SEC24A: variants seen among roughly 807,000 people sequenced by gnomAD.
SEC24A encodes SEC24 homolog A, COPII component.
In SEC24A, 93 loss-of-function variants were observed where a neutral mutation model predicts 129.4. That is an observed-to-expected ratio of 0.72 (90% CI 0.61 to 0.85). SEC24A has a LOEUF of 0.85. Ranked by LOEUF, SEC24A falls within the 40% of genes least tolerant of loss-of-function variation. SEC24A has a pLI of 0.00. For synonymous variants in SEC24A, 460 were observed against 467.3 expected (o/e 0.98, Z 0.20); for missense variants, 1,264 against 1,307.4 (o/e 0.97, Z 0.51).
intron 11 of SEC24A, among the ~76,000 whole-genome samples, chr5:134,691,315 G>A (rs996698148): frequency 2.0e-5 from 3 of 151,214 alleles, no homozygotes; most frequent in Non-Finnish European, 4.4e-5. Context: ...GGGCTTACAG[G>A]TGCCCACCAC....
Position 134,688,361 on chromosome 5 carries a change from G to A in SEC24A, c.1723+62G>A. 3.1e-6 allele frequency: 3 copies of A among 978,558 alleles called. No individual in the cohort carries two copies. In the Admixed American group the frequency reaches 5.6e-5, roughly 18 times the overall value. 60.6% of individuals were successfully genotyped at this position (978,558 alleles called of 1,614,324 possible). On this transcript the variant is annotated intron_variant, in intron 11 of 22. Transcript: ENST00000398844. Reference sequence around the variant, plus strand: ...TTTTAGAAATATTTCTTGATTACTTGACAAATTGGATGTGTGTTGTTTGTA... The same window carrying A: ...TTTTAGAAATATTTCTTGATTACTTAACAAATTGGATGTGTGTTGTTTGTA...
chr5:134,692,917 G>C (rs1047585810), intron 12 of SEC24A: 49 of 860,702 alleles, frequency 5.7e-5, no homozygotes, highest in Non-Finnish European at 1.5e-5. Flanking sequence ...AAGGAAATCT[G>C]TCTTGTCAGC....
In SEC24A at chr5:134,726,835, A is replaced by G. The variant is rs939074777; in HGVS notation, c.*1741A>G. 2 of 152,292 alleles carry G rather than the reference A, an allele frequency of 1.3e-5. No homozygotes were observed. Among genetic ancestry groups the G allele is most frequent in the South Asian group, 2.1e-4 (1 of 4,828 alleles). 9.4% of individuals were successfully genotyped at this position (152,292 alleles called of 1,614,324 possible). A position where few individuals can be genotyped will look rare whatever the true frequency, so the allele number is the denominator to read the frequency against. ...TTTGTAGGTCCTTTCTTAGTAGTAA[A>G]GAATCTTCTAGAGGGAAACATTTGT... On this transcript the variant is annotated 3_prime_UTR_variant, in exon 23 of 23. Transcript: ENST00000398844.
At chr5:134,715,957 T>C (rs780959343) in intron 19 of SEC24A, among the ~76,000 whole-genome samples, 5 of 151,890 alleles carry the variant, frequency 3.3e-5, no homozygotes, top group African/African-American at 4.8e-5. Flanking sequence ...CAAGTGCACG[T>C]CTAGATCTGA....
Position 134,650,721 on chromosome 5 carries a change from A to C in SEC24A, c.97+1548A>C, listed in dbSNP as rs375668858. On this transcript the variant is annotated intron_variant, in intron 1 of 22. Coordinates refer to ENST00000398844, the MANE Select transcript of SEC24A (RefSeq NM_021982.3). ...ACCCAGACCTCTTTTTTAAAATATAATTTTCATAGTCTTTTTATAAGTTCC... is the reference window on the plus strand; with the variant it reads ...ACCCAGACCTCTTTTTTAAAATATACTTTTCATAGTCTTTTTATAAGTTCC... Among the ~76,000 whole-genome samples the C allele has an allele frequency of 3.3e-4, 50 of 151,070 alleles. 1 individual carries two copies. The East Asian group carries it at 9.6e-3, about 29-fold the overall frequency.
At chr5:134,682,019 A>G (rs765153585) in intron 8 of SEC24A, among the ~76,000 whole-genome samples, 42 of 152,186 alleles carry the variant, frequency 2.8e-4, no homozygotes, top group Non-Finnish European at 4.4e-4. Flanking sequence ...AGGCGGGCGG[A>G]TCACCTGAGG....
chr5:134,673,656 A>G (rs1308725367), intron 4 of SEC24A, among the ~76,000 whole-genome samples: 2 of 150,760 alleles, frequency 1.3e-5, no homozygotes, highest in East Asian at 4.0e-4. Flanking sequence ...ATGGGATTTC[A>G]CTGTGTTGGC....
chr5:134,705,088 A>ATTTT (rs1252732652), intron 16 of SEC24A, among the ~76,000 whole-genome samples: 2 of 129,302 alleles, frequency 1.5e-5, no homozygotes, highest in South Asian at 2.5e-4. Context: ...ATATATATAT[A>ATTTT]TATTTTTTTT....
chr5:134,678,046 G>A (rs915746127), intron 7 of SEC24A, among the ~76,000 whole-genome samples: 4 of 151,876 alleles, frequency 2.6e-5, no homozygotes, highest in Admixed American at 1.3e-4. Context: ...ATTAGAGACC[G>A]GGTCTCTCGT....
Position 134,698,027 on chromosome 5 carries a change from G to C in SEC24A, c.2236G>C (p.Glu746Gln). Residue 746 changes from glutamate (E) to glutamine (Q), a missense_variant, in exon 15 of 23, where the codon GAG (glutamate) becomes CAG (glutamine). Glu to Gln is a conservative substitution (Grantham distance 29). Coordinates refer to ENST00000398844, the MANE Select transcript of SEC24A (RefSeq NM_021982.3). ...ATACCTTACTCGGAAGATTGGCTTT[G>C]AGGCAGTCATGAGGATTCGGTGCAC... ...QRYLTRKIGF[E>Q]AVMRIRCTKG... The C allele has an allele frequency of 1.9e-6, 3 of 1,613,610 alleles. No individual in the cohort carries two copies. Among genetic ancestry groups the C allele is most frequent in the Non-Finnish European group, 8.5e-7 (1 of 1,179,884 alleles).
chr5:134,696,237 A>G (rs1751819940), intron 13 of SEC24A, among the ~76,000 whole-genome samples: 1 of 151,676 alleles, frequency 6.6e-6, no homozygotes, highest in African/African-American at 2.4e-5. Context: ...GCCATTGCAC[A>G]CCAGCCTGGG....
intron 13 of SEC24A, among the ~76,000 whole-genome samples, chr5:134,695,241 G>A (rs1751784080): frequency 6.6e-6 from 1 of 151,964 alleles, no homozygotes; most frequent in Admixed American, 6.6e-5. Context: ...GTGTGATGCT[G>A]AGAGCCTATA....
In SEC24A at chr5:134,680,198, A is replaced by G. The variant is rs368248930; in HGVS notation, c.1381+470A>G. On this transcript the variant is annotated intron_variant, in intron 8 of 22. Coordinates refer to ENST00000398844, the MANE Select transcript of SEC24A (RefSeq NM_021982.3). ...GAGGAGGAGGAGATTTCTCTCAATA[A>G]CTATGTCACAGTTTTTATTTGAGGA... Among the ~76,000 whole-genome samples, 4 of 152,230 alleles carry G rather than the reference A, an allele frequency of 2.6e-5. No homozygotes were observed. In the East Asian group the frequency reaches 5.8e-4, roughly 22 times the overall value.
chr5:134,667,679 A>C (rs1750714193), intron 3 of SEC24A, among the ~76,000 whole-genome samples: 1 of 151,670 alleles, frequency 6.6e-6, no homozygotes, highest in South Asian at 2.1e-4. Context: ...CAAAAAAAAA[A>C]AAACAAGATA....
intron 20 of SEC24A, among the ~76,000 whole-genome samples, chr5:134,719,346 C>T (rs909770444): frequency 6.8e-6 from 1 of 147,778 alleles, no homozygotes; most frequent in Non-Finnish European, 1.5e-5. Context: ...CACACCACTG[C>T]ACTCCAGCCT....
At chr5:134,648,610 G>A (rs1030785208), upstream of SEC24A, 1 of 152,898 alleles carries the variant, frequency 6.5e-6, no homozygotes, top group Admixed American at 6.5e-5. Context: ...AGTCGGTGAC[G>A]TGGCGGCGAG....
At chr5:134,710,305 G>T (rs1752285242) in intron 18 of SEC24A, among the ~76,000 whole-genome samples, 1 of 151,036 alleles carries the variant, frequency 6.6e-6, no homozygotes, top group South Asian at 2.1e-4. Flanking sequence ...TCCGCCTCCT[G>T]GGTTCAACCT....
At chr5:134,705,474 A>T in intron 17 of SEC24A, 37 bp downstream of exon 17, 3 of 1,336,168 alleles carry the variant, frequency 2.2e-6, no homozygotes, top group Non-Finnish European at 3.2e-6. Context: ...TCTTACAAGT[A>T]ATAACATTAG....
At chr5:134,713,058 A>G (rs866582860) in intron 18 of SEC24A, among the ~76,000 whole-genome samples, 1 of 144,604 alleles carries the variant, frequency 6.9e-6, no homozygotes, top group Non-Finnish European at 1.5e-5. Context: ...CAGCCTCCCG[A>G]GTAGCTGGGA....
Sources: gnomAD v4.1 joint callset for allele counts (sites outside exome capture counted in the v4.1 genomes callset) on GRCh38, gnomAD v4.1.1 for gene constraint, MANE v1.5 for transcripts, NCBI Gene and HGNC (gene_info 2026-07-23, HGNC 2026-07-21) for gene names.